RABEPK: variants seen among roughly 807,000 people sequenced by gnomAD.
The protein encoded by RABEPK is Rab9 effector protein with kelch motifs.
RABEPK carries 27 observed loss-of-function variants against 34.1 expected under a neutral mutation model. The observed-to-expected ratio is 0.79, with a 90% confidence interval of 0.58 to 1.09. The LOEUF is 1.09. Among genes scored for constraint, RABEPK ranks in the 50% least tolerant of loss-of-function variants. The pLI, the probability that RABEPK is intolerant of heterozygous loss-of-function variation, is 0.00. For missense variants in RABEPK, 449 were observed against 462.6 expected (o/e 0.97, Z 0.27); for synonymous variants, 172 against 169.2 (o/e 1.02, Z -0.13).
rs767561130 is a variant in RABEPK, at chr9:125,213,448, C to T, written c.290C>T (p.Thr97Ile). The T allele has an allele frequency of 6.2e-7, 1 of 1,614,100 alleles. No individual in the cohort carries two copies. The highest frequency in any genetic ancestry group is 8.5e-7 in the Non-Finnish European group (1 of 1,179,960). Residue 97 changes from threonine to isoleucine, a missense_variant, in exon 4 of 8, where the codon ACA becomes ATA. Physicochemically the swap from Thr to Ile is moderately conservative, Grantham distance 89. Coordinates refer to ENST00000373538, the MANE Select transcript of RABEPK (RefSeq NM_005833.4). Reference sequence around the variant, plus strand: ...CATGCTAGCTTCATTCCCTCCTGCACACCTGACCGTATCTGGGTATTTGGA... The same window carrying T: ...CATGCTAGCTTCATTCCCTCCTGCATACCTGACCGTATCTGGGTATTTGGA... ...YEHASFIPSC[T>I]PDRIWVFGGA...
At chr9:125,224,513 C>T (rs1831595121) in intron 5 of RABEPK, among the ~76,000 whole-genome samples, 1 of 146,934 alleles carries the variant, frequency 6.8e-6, no homozygotes. Flanking sequence ...AGTGCAATGA[C>T]ACAATCTTGG....
At chr9:125,218,563 G>C (rs1831109316) in intron 4 of RABEPK, among the ~76,000 whole-genome samples, 1 of 151,886 alleles carries the variant, frequency 6.6e-6, no homozygotes, top group African/African-American at 2.4e-5. Flanking sequence ...ATAAAACCCA[G>C]GTTCATCCTT....
intron 6 of RABEPK, among the ~76,000 whole-genome samples, chr9:125,228,771 G>A (rs1831959015): frequency 6.6e-6 from 1 of 151,846 alleles, no homozygotes; most frequent in Non-Finnish European, 1.5e-5. Context: ...AGACCAGCCT[G>A]GCCAACATAG....
chr9:125,204,087 C>T (rs980117132), intron 2 of RABEPK, among the ~76,000 whole-genome samples: 13 of 150,226 alleles, frequency 8.7e-5, no homozygotes, highest in African/African-American at 2.9e-4. Context: ...GTAATCCCAG[C>T]ACTTTGGGAG....
chr9:125,205,169 G>C (rs1174188021), intron 2 of RABEPK, among the ~76,000 whole-genome samples: 1 of 152,050 alleles, frequency 6.6e-6, no homozygotes, highest in Non-Finnish European at 1.5e-5. Flanking sequence ...TCCAAATGGT[G>C]CTTCTTCAGG....
chr9:125,212,446 C>T (rs1416068321), intron 3 of RABEPK, among the ~76,000 whole-genome samples: 2 of 152,042 alleles, frequency 1.3e-5, no homozygotes, highest in Non-Finnish European at 2.9e-5. Context: ...GTCTTGATCT[C>T]CTGACCTCAT....
Position 125,232,576 on chromosome 9 carries a change from C to A in RABEPK, c.677-20C>A. On this transcript the variant is annotated intron_variant, in intron 6 of 7. Coordinates refer to ENST00000373538, the MANE Select transcript of RABEPK (RefSeq NM_005833.4). ...CATCTTAGCCCATGCTGCGCCAAAG[C>A]TCTTTCTTTCTCTTGGCAGGTGACA... 1 of 1,604,884 alleles carries A rather than the reference C, an allele frequency of 6.2e-7. No homozygotes were observed. Among genetic ancestry groups the A allele is most frequent in the South Asian group, 1.1e-5 (1 of 89,610 alleles).
intron 2 of RABEPK, among the ~76,000 whole-genome samples, chr9:125,204,156 A>AACCCTGTCT (rs1228663532): frequency 1.3e-5 from 2 of 151,978 alleles, no homozygotes; most frequent in African/African-American, 4.8e-5. Context: ...AACATGGTGA[A>AACCCTGTCT]ACCCTGTCTC....
chr9:125,220,651 G>A lies in RABEPK; in HGVS notation c.477G>A (p.Glu159=), dbSNP rs1408014683. ...GNQLYVFGGG[E]RGAQPVQDTK... ...AGCTATATGTCTTTGGGGGCGGAGA[G>A]AGAGGTGCCCAGCCCGTGCAGGACA... is the stretch of plus-strand genomic sequence containing the variant. The change falls in exon 5 of 8, where the codon GAG becomes GAA. Residue 159 remains glutamate (E), a synonymous_variant. Transcript: ENST00000373538. 3 of 1,614,216 alleles carry A rather than the reference G, an allele frequency of 1.9e-6. No homozygotes were observed. The highest frequency in any genetic ancestry group is 2.5e-6 in the Non-Finnish European group (3 of 1,180,040).
chr9:125,224,580 G>A (rs1350494485), intron 5 of RABEPK, among the ~76,000 whole-genome samples: 1 of 151,598 alleles, frequency 6.6e-6, no homozygotes, highest in Non-Finnish European at 1.5e-5. Context: ...AGCCTCCCGA[G>A]TAGCTTGGAC....
At chr9:125,232,019 C>G (rs1206491764) in intron 6 of RABEPK, among the ~76,000 whole-genome samples, 1 of 151,050 alleles carries the variant, frequency 6.6e-6, no homozygotes, top group African/African-American at 2.4e-5. Flanking sequence ...CATGCCTCAG[C>G]CTCCTGAGTA....
rs771884838 is a variant in RABEPK at position 125,213,573 on chromosome 9, G to A, written c.364+51G>A. 132 of 1,382,540 alleles carry A rather than the reference G, an allele frequency of 9.5e-5. No homozygotes were observed. The Middle Eastern group carries it at 1.2e-3, about 13-fold the overall frequency. The allele number at this position is 1,382,540 out of a possible 1,614,324, so 85.6% of individuals were successfully genotyped here. On this transcript the variant is annotated intron_variant, in intron 4 of 7. Transcript: ENST00000373538. ...TACGTACATACAAATAAACTTTCAT[G>A]CACACACACACACATATATATAAAT... is the stretch of plus-strand genomic sequence containing the variant.
At chr9:125,220,906 C>A in intron 5 of RABEPK, 1 of 580,152 alleles carries the variant, frequency 1.7e-6, no homozygotes, top group Non-Finnish European at 2.7e-6. Flanking sequence ...GTGGCTCACA[C>A]CTGTAATCCC....
At chr9:125,231,499 T>G (rs932093202) in intron 6 of RABEPK, among the ~76,000 whole-genome samples, 1 of 151,964 alleles carries the variant, frequency 6.6e-6, no homozygotes, top group Non-Finnish European at 1.5e-5. Flanking sequence ...TTTGCTCATT[T>G]GTAAGAAGAA....
At chr9:125,224,203 AAAAACAAAAC>A (rs1177343226) in intron 5 of RABEPK, among the ~76,000 whole-genome samples, 31 of 121,036 alleles carry the variant, frequency 2.6e-4, no homozygotes, top group Non-Finnish European at 3.2e-4. Context: ...CTCAAAAAAC[AAAAACAAAAC>A]AAAAAAAAAA....
In RABEPK at chr9:125,233,707, G is replaced by A; in HGVS notation, c.846G>A (p.Leu282=). Residue 282 remains leucine, a synonymous_variant, in exon 8 of 8, where the codon TTG becomes TTA. Transcript: ENST00000373538. The part of the protein sequence containing the change: ...QYHTEEQHWT[L]LKFDTLLPPG... ...ACATAGAAGAGCAGCATTGGACCTT[G>A]CTTAAATTTGATACTCTTCTACCCC... is the stretch of plus-strand genomic sequence containing the variant. The A allele has an allele frequency of 6.2e-7, 1 of 1,613,872 alleles. No homozygotes were observed. The highest frequency in any genetic ancestry group is 8.5e-7 in the Non-Finnish European group (1 of 1,179,856).
intron 6 of RABEPK, among the ~76,000 whole-genome samples, chr9:125,230,260 G>A (rs576821849): frequency 1.3e-5 from 2 of 152,154 alleles, no homozygotes; most frequent in South Asian, 2.1e-4. Flanking sequence ...CACTGCTCCC[G>A]GCTCATACCT....
chr9:125,215,987 G>A (rs1164592069), intron 4 of RABEPK, among the ~76,000 whole-genome samples: 2 of 152,106 alleles, frequency 1.3e-5, no homozygotes, highest in Non-Finnish European at 2.9e-5. Context: ...AAAAAAACTT[G>A]TACATAGTTT....
intron 5 of RABEPK, among the ~76,000 whole-genome samples, chr9:125,225,286 G>T (rs1417046432): frequency 9.9e-5 from 15 of 152,132 alleles, no homozygotes; most frequent in African/African-American, 3.6e-4. Context: ...TTGAAAGGCT[G>T]AGGCAGGAGA....
Sources: gnomAD v4.1 joint callset for allele counts (sites outside exome capture counted in the v4.1 genomes callset) on GRCh38, gnomAD v4.1.1 for gene constraint, MANE v1.5 for transcripts, NCBI Gene and HGNC (gene_info 2026-07-23, HGNC 2026-07-21) for gene names.